PPP2R2C: variants seen among roughly 807,000 people sequenced by gnomAD.
The protein encoded by PPP2R2C is protein phosphatase 2, regulatory subunit B, gamma.
In PPP2R2C, 10 loss-of-function variants were observed where a neutral mutation model predicts 45.3. The observed-to-expected ratio is 0.22, with a 90% CI of 0.14 to 0.37. PPP2R2C has a LOEUF of 0.37. Ranked by LOEUF, PPP2R2C falls within the 10% of genes least tolerant of loss-of-function variation. The pLI is 1.00. For missense variants in PPP2R2C, 308 were observed against 619.7 expected (o/e 0.50, Z 5.34); for synonymous variants, 257 against 245.4 (o/e 1.05, Z -0.44).
chr4:6,425,890 G>A (rs1397040672), intron 1 of PPP2R2C, among the ~76,000 whole-genome samples: 20 of 151,950 alleles, frequency 1.3e-4, no homozygotes, highest in Admixed American at 1.3e-3. Context: ...TGTGTATGTG[G>A]TGTATGTGTG....
chr4:6,553,653 C>T (rs1725262081), intron 1 of PPP2R2C, among the ~76,000 whole-genome samples: 1 of 152,218 alleles, frequency 6.6e-6, no homozygotes, highest in South Asian at 2.1e-4. Flanking sequence ...TGTGCCAGAG[C>T]ACCTGGTTCT....
chr4:6,350,738 A>G (rs1712474143), intron 5 of PPP2R2C: 1 of 985,252 alleles, frequency 1.0e-6, no homozygotes, highest in African/African-American at 1.7e-5. Context: ...TCTGCCAATG[A>G]ATAGACAAGT....
At chr4:6,333,995 G>C (rs534576599) in intron 6 of PPP2R2C, among the ~76,000 whole-genome samples, 1 of 152,212 alleles carries the variant, frequency 6.6e-6, no homozygotes, top group Non-Finnish European at 1.5e-5. Flanking sequence ...GTCAGTGCTG[G>C]AAGAAGGTGG....
In PPP2R2C at chr4:6,472,469, A is replaced by G; in HGVS notation, c.-240T>C. 1 of 282,478 alleles carries G rather than the reference A, an allele frequency of 3.5e-6. No homozygotes were observed. Among genetic ancestry groups the G allele is most frequent in the Non-Finnish European group, 5.2e-6 (1 of 190,984 alleles). The allele number at this position is 282,478 out of a possible 1,614,324, so 17.5% of individuals were successfully genotyped here. On this transcript the variant is annotated 5_prime_UTR_variant, in exon 1 of 9. Transcript: ENST00000382599. The stretch of plus-strand genomic sequence containing the variant: ...CGCGGGTTCGGGCGGGCCGGGGCCC[A>G]GGCGCGCATCCCGGCCGGCCCGTGC...
At chr4:6,363,448 G>A (rs1023562907) in intron 5 of PPP2R2C, among the ~76,000 whole-genome samples, 13 of 151,926 alleles carry the variant, frequency 8.6e-5, no homozygotes, top group Non-Finnish European at 1.8e-4. Flanking sequence ...GCGTGGTGGC[G>A]GGCACCTGTA....
At chr4:6,406,774 T>C (rs1030734650) in intron 1 of PPP2R2C, among the ~76,000 whole-genome samples, 1 of 151,960 alleles carries the variant, frequency 6.6e-6, no homozygotes, top group South Asian at 2.1e-4. Flanking sequence ...AATAAATACA[T>C]TAAATAAAAT....
intron 2 of PPP2R2C, chr4:6,535,222 C>A: frequency 2.0e-6 from 3 of 1,528,508 alleles, no homozygotes; most frequent in Non-Finnish European, 2.6e-6. Flanking sequence ...CAGCCCACGT[C>A]CCCAAGCTCA....
At chr4:6,361,847 T>C (rs947158553) in intron 5 of PPP2R2C, among the ~76,000 whole-genome samples, 5 of 152,210 alleles carry the variant, frequency 3.3e-5, no homozygotes, top group Non-Finnish European at 7.3e-5. Context: ...GCTCCCAGCC[T>C]GGCAGGGAAG....
At chr4:6,461,224 A>C (rs2108757515) in intron 1 of PPP2R2C, among the ~76,000 whole-genome samples, 1 of 152,324 alleles carries the variant, frequency 6.6e-6, no homozygotes, top group Admixed American at 6.5e-5. Flanking sequence ...ACACTGAAGC[A>C]GGGAGAGGGG....
At chr4:6,346,843 C>T (rs892199020) in intron 6 of PPP2R2C, among the ~76,000 whole-genome samples, 2 of 152,218 alleles carry the variant, frequency 1.3e-5, no homozygotes, top group Non-Finnish European at 2.9e-5. Flanking sequence ...ACCCAGGCTT[C>T]AGTCAGGGTC....
In PPP2R2C at chr4:6,324,621, A is replaced by G. The variant is rs1047695587; in HGVS notation, c.1053-1028T>C. ...CTGTCCCGAGGACTCGGGCGAATAAACAAACATGCATCGCCATGAGGGTCG... is the reference window on the plus strand; with the variant it reads ...CTGTCCCGAGGACTCGGGCGAATAAGCAAACATGCATCGCCATGAGGGTCG... On this transcript the variant is annotated intron_variant, in intron 8 of 8. Transcript: ENST00000382599. The surrounding 1 kb of genome is among the most constrained non-coding windows in gnomAD (Gnocchi z 4.1). 5.9e-5 allele frequency among the ~76,000 whole-genome samples: 9 copies of G among 152,172 alleles called. No homozygotes were observed. The highest frequency in any genetic ancestry group is 2.2e-4 in the African/African-American group (9 of 41,442).
chr4:6,415,270 A>C (rs1321393378), intron 1 of PPP2R2C, among the ~76,000 whole-genome samples: 1 of 152,240 alleles, frequency 6.6e-6, no homozygotes, highest in East Asian at 1.9e-4. Context: ...TGAAACTACC[A>C]ATGGAACATC....
intron 1 of PPP2R2C, among the ~76,000 whole-genome samples, chr4:6,385,342 GA>G (rs1716138837): frequency 6.6e-6 from 1 of 152,102 alleles, no homozygotes; most frequent in African/African-American, 2.4e-5. Flanking sequence ...ATGTCTTCAG[GA>G]TTTGCCTTAG....
At chr4:6,536,923 T>C (rs1199790751) in intron 1 of PPP2R2C, among the ~76,000 whole-genome samples, 2 of 152,066 alleles carry the variant, frequency 1.3e-5, no homozygotes, top group Non-Finnish European at 2.9e-5. Flanking sequence ...AGATATCAGG[T>C]CAGGTGAGGT....
intron 2 of PPP2R2C, among the ~76,000 whole-genome samples, chr4:6,498,019 T>A (rs1188066829): frequency 6.6e-6 from 1 of 152,218 alleles, no homozygotes; most frequent in Admixed American, 6.5e-5. Flanking sequence ...TTGGTGCCAG[T>A]ACATACAGTA....
chr4:6,539,211 G>C (rs2108830145), intron 1 of PPP2R2C, among the ~76,000 whole-genome samples: 1 of 152,176 alleles, frequency 6.6e-6, no homozygotes, highest in South Asian at 2.1e-4. Context: ...TGCCGTGTGA[G>C]GATGGAGGTG....
chr4:6,347,762 CTGCAGCAGCTGCACCAGGACAGGA>C, intron 6 of PPP2R2C, 60 bp downstream of exon 6: 1 of 1,462,552 alleles, frequency 6.8e-7, no homozygotes, highest in Non-Finnish European at 9.1e-7. Flanking sequence ...CCCACCACCC[CTGCAGCAGCTGCACCAGGACAGGA>C]CATCCCACCC....
At chr4:6,437,403 T>C (rs949428776) in intron 1 of PPP2R2C, among the ~76,000 whole-genome samples, 1 of 152,194 alleles carries the variant, frequency 6.6e-6, no homozygotes, top group Non-Finnish European at 1.5e-5. Context: ...GCAAGTCCTT[T>C]TGTAGTTGTC....
intron 1 of PPP2R2C, among the ~76,000 whole-genome samples, chr4:6,456,620 C>T (rs1001421957): frequency 6.6e-6 from 1 of 152,186 alleles, no homozygotes; most frequent in Non-Finnish European, 1.5e-5. Context: ...TGATGGATTG[C>T]TCCCGAAGCA....
Sources: gnomAD v4.1 joint callset for allele counts (sites outside exome capture counted in the v4.1 genomes callset) on GRCh38, gnomAD v4.1.1 for gene constraint, Gnocchi (gnomAD v3.1) non-coding constraint, MANE v1.5 for transcripts, NCBI Gene and HGNC (gene_info 2026-07-23, HGNC 2026-07-21) for gene names.